The following HAPLN1 variants were observed in gnomAD, a reference collection of about 807,000 sequenced individuals.
HAPLN1 encodes Cartilage link protein.
In HAPLN1, 13 loss-of-function variants were observed where a neutral mutation model predicts 36.5. That is an observed-to-expected ratio of 0.36 (90% CI 0.23 to 0.57). The LOEUF (loss-of-function observed/expected upper bound fraction) is 0.57, where lower values mean the gene tolerates loss of function less well. Among genes scored for constraint, HAPLN1 ranks in the 20% least tolerant of loss-of-function variants. The pLI, the probability that HAPLN1 is intolerant of heterozygous loss-of-function variation, is 0.83. For missense variants in HAPLN1, 407 were observed against 439.7 expected, an observed-to-expected ratio of 0.93 and a Z score of 0.66; for synonymous variants, 202 against 169.8, an observed-to-expected ratio of 1.19 and a Z score of -1.48.
At chr5:83,643,770 C>T (rs778564782) in intron 4 of HAPLN1, among the ~76,000 whole-genome samples, 61 of 152,268 alleles carry the variant, frequency 4.0e-4, no homozygotes, top group Middle Eastern at 3.4e-3. Context: ...CATTTTACAC[C>T]GGGCTGCACA....
chr5:83,712,364 A>G (rs908081371), intron 1 of HAPLN1, among the ~76,000 whole-genome samples: 1 of 152,170 alleles, frequency 6.6e-6, no homozygotes, highest in South Asian at 2.1e-4. Flanking sequence ...AAAATGGAGC[A>G]CATAAAAAGT....
chr5:83,659,273 TAA>T lies in HAPLN1; in HGVS notation c.101-6451_101-6450del, dbSNP rs200436194. Among the ~76,000 whole-genome samples, 121 of 146,692 alleles carry T rather than the reference TAA, an allele frequency of 8.2e-4. 1 individual carries two copies. The highest frequency in any genetic ancestry group is 5.0e-3 in the South Asian group (23 of 4,638). ...TGGGTGACAGAGCGAGACTTCATCT[TAA>T]AAAAAAAAAAAATCTGGAATTTTTC... On this transcript the variant is annotated intron_variant, in intron 2 of 4. Coordinates refer to ENST00000274341, the MANE Select transcript of HAPLN1 (RefSeq NM_001884.4).
chr5:83,720,620 A>G (rs1184895126), intron 1 of HAPLN1, among the ~76,000 whole-genome samples, 169 bp downstream of exon 1: 1 of 152,236 alleles, frequency 6.6e-6, no homozygotes, highest in Admixed American at 6.5e-5. Flanking sequence ...GACAATATGA[A>G]ACTTTTTTAA....
At chr5:83,702,198 TAG>T (rs1751524293) in intron 1 of HAPLN1, among the ~76,000 whole-genome samples, 1 of 152,102 alleles carries the variant, frequency 6.6e-6, no homozygotes, top group South Asian at 2.1e-4. Context: ...GAAGAGAAGT[TAG>T]ATATCCTGAG....
intron 4 of HAPLN1, among the ~76,000 whole-genome samples, chr5:83,643,866 C>A (rs548686468): frequency 6.6e-6 from 1 of 152,350 alleles, no homozygotes; most frequent in African/African-American, 2.4e-5. Context: ...CTGCTGCAAC[C>A]TTTCCTTCTG....
intron 1 of HAPLN1, among the ~76,000 whole-genome samples, chr5:83,685,190 C>T (rs1361696223): frequency 3.3e-5 from 5 of 152,160 alleles, no homozygotes; most frequent in Non-Finnish European, 7.3e-5. Flanking sequence ...GATTTGATAG[C>T]AGAATCCAGC....
In HAPLN1 at chr5:83,688,659, T is replaced by G. The variant is rs938326337; in HGVS notation, c.-26-15110A>C. Among the ~76,000 whole-genome samples the G allele has an allele frequency of 6.9e-4, 95 of 138,484 alleles. 1 individual carries two copies. The highest frequency in any genetic ancestry group is 2.2e-3 in the African/African-American group (86 of 38,976). The allele number at this position is 138,484 out of a possible 152,430, so 90.9% of individuals were successfully genotyped here. A position where few individuals can be genotyped will look rare whatever the true frequency, so the allele number is the denominator to read the frequency against. ...TTTTGATTCTTTTTTTTTTTTTTTT[T>G]TTTTTTTTTTTTCACTTTGGAGAAT... On this transcript the variant is annotated intron_variant, in intron 1 of 4. Coordinates refer to ENST00000274341, the MANE Select transcript of HAPLN1 (RefSeq NM_001884.4).
chr5:83,719,837 A>C (rs1023906981), intron 1 of HAPLN1, among the ~76,000 whole-genome samples: 6 of 152,140 alleles, frequency 3.9e-5, no homozygotes, highest in South Asian at 2.1e-4. Context: ...CCACAGCCTT[A>C]ATTTCTTAAG....
At chr5:83,706,022 C>T (rs1580163199) in intron 1 of HAPLN1, among the ~76,000 whole-genome samples, 1 of 149,444 alleles carries the variant, frequency 6.7e-6, no homozygotes, top group African/African-American at 2.5e-5. Flanking sequence ...CCTCCTAGAA[C>T]TAAACCTGGA....
rs756543340 is a variant in HAPLN1 at position 83,644,607 on chromosome 5, C to T, written c.531G>A (p.Ala177=). 152 of 1,519,434 alleles carry T rather than the reference C, an allele frequency of 1.0e-4. 1 individual carries two copies. In the East Asian group the frequency reaches 2.4e-3, roughly 24 times the overall value. The allele number at this position is 1,519,434 out of a possible 1,614,324, so 94.1% of individuals were successfully genotyped here. ...CATCCTGGTCCAGACACGCCTGCTG[C>T]GCCTCGTGAAAATTGAGATTGTAGC... The part of the protein sequence containing the change: ...LGRYNLNFHE[A]QQACLDQDAV... Residue 177 remains alanine, a synonymous_variant, in exon 4 of 5, where the codon GCG becomes GCA. Coordinates refer to ENST00000274341, the MANE Select transcript of HAPLN1 (RefSeq NM_001884.4).
chr5:83,716,728 A>G (rs1040720901), intron 1 of HAPLN1, among the ~76,000 whole-genome samples: 5 of 152,166 alleles, frequency 3.3e-5, no homozygotes, highest in African/African-American at 1.2e-4. Flanking sequence ...TTCTTGTAAC[A>G]TGGCAGAAAA....
chr5:83,667,768 C>T (rs901280253), intron 2 of HAPLN1, among the ~76,000 whole-genome samples: 6 of 152,156 alleles, frequency 3.9e-5, no homozygotes, highest in African/African-American at 1.4e-4. Flanking sequence ...ACCACCAAAT[C>T]CCAAATCTGC....
At chr5:83,662,291 G>A (rs1750428185) in intron 2 of HAPLN1, among the ~76,000 whole-genome samples, 1 of 152,142 alleles carries the variant, frequency 6.6e-6, no homozygotes, top group Admixed American at 6.5e-5. Flanking sequence ...CATAGTAAGT[G>A]ATTTTAAATG....
At chr5:83,710,266 G>A (rs1034765201) in intron 1 of HAPLN1, among the ~76,000 whole-genome samples, 1 of 152,108 alleles carries the variant, frequency 6.6e-6, no homozygotes, top group Non-Finnish European at 1.5e-5. Flanking sequence ...CCAAGAGGCC[G>A]GTAGACTTCT....
chr5:83,705,409 A>G (rs71638260), intron 1 of HAPLN1, among the ~76,000 whole-genome samples: 15 of 143,970 alleles, frequency 1.0e-4, no homozygotes, highest in African/African-American at 3.8e-4. Context: ...AAAAAAAAAA[A>G]GAAAGAAAGA....
chr5:83,652,439 T>A lies in HAPLN1; in HGVS notation c.472+14A>T. The A allele has an allele frequency of 6.2e-7, 1 of 1,605,430 alleles. No homozygotes were observed. Among genetic ancestry groups the A allele is most frequent in the Non-Finnish European group, 8.5e-7 (1 of 1,175,202 alleles). ...TGACCATTTATACGTTGAACATGAC[T>A]TATAGATACATACCTTGTAAGTCCA... On this transcript the variant is annotated intron_variant, in intron 3 of 4. Transcript: ENST00000274341.
intron 1 of HAPLN1, among the ~76,000 whole-genome samples, chr5:83,699,892 G>C (rs539670835): frequency 1.3e-3 from 205 of 152,134 alleles, no homozygotes; most frequent in African/African-American, 4.7e-3. Flanking sequence ...CTTCCTGCTG[G>C]TAAACTGAAA....
At chr5:83,701,186 AC>A (rs1174496019) in intron 1 of HAPLN1, among the ~76,000 whole-genome samples, 1 of 152,248 alleles carries the variant, frequency 6.6e-6, no homozygotes, top group Non-Finnish European at 1.5e-5. Flanking sequence ...GAACGATGTG[AC>A]AAAAATAACA....
chr5:83,648,395 C>CTA (rs56115447), intron 3 of HAPLN1, among the ~76,000 whole-genome samples: 5,621 of 59,278 alleles, frequency 0.095, 325 homozygotes, highest in East Asian at 0.12. Flanking sequence ...CTATATTTGA[C>CTA]TATATATATA....
Sources: allele counts gnomAD v4.1 joint callset (sites outside exome capture counted in the v4.1 genomes callset), GRCh38; gene constraint gnomAD v4.1.1; transcripts MANE v1.5; gene names NCBI Gene and HGNC (gene_info 2026-07-23, HGNC 2026-07-21).